Variants in TPO observed in about 807,000 individuals in gnomAD.
TPO encodes thyroid peroxidase.
TPO carries 78 observed loss-of-function variants against 96.9 expected under a neutral mutation model. That is an observed-to-expected ratio of 0.81 (90% CI 0.67 to 0.97). The LOEUF is 0.97. Ranked by LOEUF, TPO falls within the 50% of genes least tolerant of loss-of-function variation. The probability of loss-of-function intolerance (pLI) is 0.00; values close to 1 mark genes in which losing one functional copy is unlikely to be tolerated. For synonymous variants in TPO, 547 were observed against 538.0 expected, an observed-to-expected ratio of 1.02 and a Z score of -0.23; for missense variants, 1,252 against 1,274.8, an observed-to-expected ratio of 0.98 and a Z score of 0.27.
chr2:1,398,556 G>A (rs566625508), intron 1 of TPO, among the ~76,000 whole-genome samples: 11 of 152,322 alleles, frequency 7.2e-5, no homozygotes, highest in Non-Finnish European at 1.5e-4. Context: ...CATCACAGGC[G>A]GAGACCTCTG....
chr2:1,515,416 C>T (rs956292288), intron 14 of TPO, among the ~76,000 whole-genome samples: 8 of 152,134 alleles, frequency 5.3e-5, no homozygotes, highest in South Asian at 2.1e-4. Flanking sequence ...ATCCTGGAGG[C>T]GGGAGGATGG....
chr2:1,415,179 C>T (rs1298941881), intron 2 of TPO, among the ~76,000 whole-genome samples: 5 of 138,144 alleles, frequency 3.6e-5, no homozygotes, highest in South Asian at 2.4e-4. Context: ...GACACCTCGC[C>T]GGGCAGGTCC....
At chr2:1,457,903 T>C (rs1667994896) in intron 7 of TPO, among the ~76,000 whole-genome samples, 1 of 151,996 alleles carries the variant, frequency 6.6e-6, no homozygotes, top group African/African-American at 2.4e-5. Context: ...ATATGGCATA[T>C]AAGATAGTGT....
At chr2:1,510,275 A>AT (rs1469207722) in intron 14 of TPO, among the ~76,000 whole-genome samples, 4 of 152,212 alleles carry the variant, frequency 2.6e-5, no homozygotes, top group African/African-American at 9.6e-5. Context: ...CCGCATTATT[A>AT]TTACAAACCT....
At chr2:1,512,452 G>A in intron 14 of TPO, 1 of 985,484 alleles carries the variant, frequency 1.0e-6, no homozygotes. Context: ...CAGCGCCCGT[G>A]CTCAGGGCAG....
chr2:1,446,252 C>A (rs1210446155), intron 5 of TPO, among the ~76,000 whole-genome samples: 1 of 152,172 alleles, frequency 6.6e-6, no homozygotes, highest in Non-Finnish European at 1.5e-5. Context: ...CCTGACCTGG[C>A]TTTTATAGGA....
intron 13 of TPO, among the ~76,000 whole-genome samples, chr2:1,497,205 C>T (rs561070631): frequency 2.6e-5 from 4 of 152,336 alleles, no homozygotes; most frequent in South Asian, 2.1e-4. Flanking sequence ...CTGGGTTCCA[C>T]TCCCAGCCTC....
At chr2:1,530,336 C>G (rs1330732042) in intron 15 of TPO, among the ~76,000 whole-genome samples, 1 of 142,844 alleles carries the variant, frequency 7.0e-6, no homozygotes, top group Non-Finnish European at 1.5e-5. Flanking sequence ...GAAACCTCCT[C>G]AAATCCCCCC....
intron 3 of TPO, among the ~76,000 whole-genome samples, chr2:1,433,144 A>G (rs1665195178): frequency 6.6e-6 from 1 of 152,132 alleles, no homozygotes; most frequent in Admixed American, 6.5e-5. Flanking sequence ...CCTGTCCGCA[A>G]TTGTTATGAG....
At chr2:1,493,428 G>A (rs890082076) in intron 10 of TPO, among the ~76,000 whole-genome samples, 6 of 152,178 alleles carry the variant, frequency 3.9e-5, no homozygotes, top group Admixed American at 6.5e-5. Context: ...CGTCCGAGCT[G>A]GAACATTCTA....
rs1680891380 is a variant in TPO at position 1,542,622 on chromosome 2, G to C, written c.*148G>C. ...AGTACCATGTCGTAGTTACTCTCAG[G>C]CATGGATGAATAAATGTTATAGCTG... On this transcript the variant is annotated 3_prime_UTR_variant, in exon 17 of 17. Transcript: ENST00000329066. 6.4e-7 allele frequency: 1 copy of C among 1,550,406 alleles called. No individual in the cohort carries two copies. The highest frequency in any genetic ancestry group is 8.7e-7 in the Non-Finnish European group (1 of 1,145,838).
intron 2 of TPO, among the ~76,000 whole-genome samples, chr2:1,421,342 G>C (rs1016092123): frequency 6.6e-6 from 1 of 152,182 alleles, no homozygotes; most frequent in Non-Finnish European, 1.5e-5. Flanking sequence ...CGAGGCCCTC[G>C]GCCAAGAGCT....
At chr2:1,422,387 C>CCTCTCCTGGACCGACCT (rs1573110939) in intron 2 of TPO, among the ~76,000 whole-genome samples, 12 of 150,280 alleles carry the variant, frequency 8.0e-5, no homozygotes, top group South Asian at 4.2e-4. Context: ...CGTGCAGGCG[C>CCTCTCCTGGACCGACCT]CGCGCTGGGC....
intron 8 of TPO, among the ~76,000 whole-genome samples, chr2:1,480,592 A>ACACACACACACACACC: frequency 7.0e-6 from 1 of 142,084 alleles, no homozygotes; most frequent in African/African-American, 2.6e-5. Flanking sequence ...ACACACACAC[A>ACACACACACACACACC]CACACACACA....
At chr2:1,493,447 A>G (rs1671994435) in intron 10 of TPO, among the ~76,000 whole-genome samples, 3 of 143,826 alleles carry the variant, frequency 2.1e-5, no homozygotes, top group African/African-American at 7.4e-5. Context: ...TAGCCTGGCA[A>G]ACTGCCGGGC....
intron 1 of TPO, among the ~76,000 whole-genome samples, chr2:1,381,949 G>A (rs563602271): frequency 6.6e-5 from 10 of 152,270 alleles, no homozygotes; most frequent in African/African-American, 2.2e-4. Flanking sequence ...GGCAGCATAA[G>A]CACACATAAA....
At chr2:1,456,358 A>C in intron 7 of TPO, 76 bp downstream of exon 7, 1 of 1,479,858 alleles carries the variant, frequency 6.8e-7, no homozygotes. Flanking sequence ...ATGGTATAAA[A>C]CAAAATGTGA....
At chr2:1,391,375 T>A (rs527755499) in intron 1 of TPO, among the ~76,000 whole-genome samples, 1 of 152,220 alleles carries the variant, frequency 6.6e-6, no homozygotes, top group East Asian at 1.9e-4. Flanking sequence ...TTGGTCTATA[T>A]GTCTGTTTTG....
At chr2:1,422,981 C>T (rs1663928737) in intron 2 of TPO, 64 bp from the exon 3 acceptor site, 2 of 1,562,398 alleles carry the variant, frequency 1.3e-6, no homozygotes, top group Admixed American at 3.4e-5. Context: ...AGGAACAAAG[C>T]AACACTGTCA....
Sources: gnomAD v4.1 joint callset for allele counts (sites outside exome capture counted in the v4.1 genomes callset) on GRCh38, gnomAD v4.1.1 for gene constraint, MANE v1.5 for transcripts, NCBI Gene and HGNC (gene_info 2026-07-23, HGNC 2026-07-21) for gene names.